The following GLIS3 variants were observed in gnomAD, a reference collection of about 807,000 sequenced individuals.
GLIS3 encodes the protein zinc finger protein GLIS3.
GLIS3 carries 53 observed loss-of-function variants against 78.6 expected under a neutral mutation model. The ratio of observed to expected loss-of-function variants is 0.67; its 90% CI spans 0.54 to 0.85. The LOEUF is 0.85. Ranked by LOEUF, GLIS3 falls within the 40% of genes least tolerant of loss-of-function variation. GLIS3 has a pLI of 0.00. For synonymous variants in GLIS3, 684 were observed against 509.9 expected (o/e 1.34, Z -4.60); for missense variants, 1,703 against 1,231.1 (o/e 1.38, Z -5.74).
At chr9:3,971,872 C>T (rs1211660537) in intron 4 of GLIS3, among the ~76,000 whole-genome samples, 1 of 152,142 alleles carries the variant, frequency 6.6e-6, no homozygotes, top group Non-Finnish European at 1.5e-5. Flanking sequence ...CCATCTCACT[C>T]CAGGTCAGCA....
intron 2 of GLIS3, among the ~76,000 whole-genome samples, chr9:4,275,511 G>A (rs1015393662): frequency 4.6e-5 from 7 of 151,900 alleles, no homozygotes; most frequent in Non-Finnish European, 8.8e-5. Context: ...TGTAATCCCA[G>A]CACTTTGGGA....
chr9:3,936,987 A>G (rs767342225), intron 5 of GLIS3, 41 bp downstream of exon 5: 7 of 1,611,484 alleles, frequency 4.3e-6, no homozygotes, highest in Non-Finnish European at 5.9e-6. Flanking sequence ...TCCTCACACC[A>G]GGCGCTGGGT....
At chr9:4,363,416 G>A in the GLIS3 span, among the ~76,000 whole-genome samples, 219 of 152,228 alleles carry the variant, frequency 1.4e-3, 1 homozygote, top group African/African-American at 4.9e-3. Context: ...CTCAGAAGAA[G>A]CAAAGAAGGT....
intron 4 of GLIS3, among the ~76,000 whole-genome samples, chr9:3,969,895 T>C (rs1014119359): frequency 6.6e-6 from 1 of 152,170 alleles, no homozygotes. Context: ...GGAAGCTAGG[T>C]GAGGGGCTTT....
At chr9:4,442,752 A>C in the GLIS3 span, among the ~76,000 whole-genome samples, 2 of 152,114 alleles carry the variant, frequency 1.3e-5, no homozygotes, top group Non-Finnish European at 2.9e-5. Context: ...AGATTTCTTT[A>C]CATGTTTACA....
At chr9:3,875,317 T>C (rs1179489134) in intron 8 of GLIS3, among the ~76,000 whole-genome samples, 3 of 152,180 alleles carry the variant, frequency 2.0e-5, no homozygotes, top group Non-Finnish European at 4.4e-5. Flanking sequence ...AATGGAACCT[T>C]GTTAGATTGA....
chr9:4,044,547 T>A (rs1391633114), intron 4 of GLIS3, among the ~76,000 whole-genome samples: 1 of 152,188 alleles, frequency 6.6e-6, no homozygotes, highest in East Asian at 1.9e-4. Context: ...AATGGGTCCA[T>A]CTTATCCTAT....
At chr9:4,391,467 T>G in the GLIS3 span, among the ~76,000 whole-genome samples, 3 of 152,128 alleles carry the variant, frequency 2.0e-5, no homozygotes, top group Non-Finnish European at 4.4e-5. Context: ...TCCCAATAAC[T>G]GAAAAATCAC....
intron 4 of GLIS3, among the ~76,000 whole-genome samples, chr9:4,083,317 C>G (rs1225958250): frequency 6.6e-6 from 1 of 152,134 alleles, no homozygotes; most frequent in Non-Finnish European, 1.5e-5. Context: ...GCAGACATCA[C>G]TAATCAATAC....
intron 4 of GLIS3, among the ~76,000 whole-genome samples, chr9:3,944,315 G>A (rs1034459283): frequency 1.3e-5 from 2 of 152,178 alleles, no homozygotes; most frequent in Non-Finnish European, 2.9e-5. Context: ...CAATCGAAAG[G>A]TTCTGGGGAC....
intron 4 of GLIS3, among the ~76,000 whole-genome samples, chr9:4,095,729 A>T (rs1829886070): frequency 6.6e-6 from 1 of 152,218 alleles, no homozygotes; most frequent in South Asian, 2.1e-4. Context: ...AAACTGAGCT[A>T]AACCCACACA....
chr9:4,284,602 G>C (rs887839733), intron 2 of GLIS3, among the ~76,000 whole-genome samples: 3 of 151,538 alleles, frequency 2.0e-5, no homozygotes, highest in Non-Finnish European at 2.9e-5. Context: ...CAAAAAAAAA[G>C]AAGAAGAAGA....
intron 2 of GLIS3, among the ~76,000 whole-genome samples, chr9:4,320,935 G>A (rs1392094571): frequency 6.6e-6 from 1 of 151,976 alleles, no homozygotes; most frequent in Admixed American, 6.5e-5. Context: ...TCTCCTGCTT[G>A]AGCATTTTTC....
chr9:4,179,666 T>C (rs543581611), intron 2 of GLIS3, among the ~76,000 whole-genome samples: 1 of 152,240 alleles, frequency 6.6e-6, no homozygotes. Context: ...TCCTAGCACT[T>C]TGGGAGGCTG....
At chr9:4,172,411 G>C (rs866923530) in intron 2 of GLIS3, among the ~76,000 whole-genome samples, 8 of 152,198 alleles carry the variant, frequency 5.3e-5, no homozygotes, top group Middle Eastern at 3.4e-3. Context: ...GTTTCTCCTT[G>C]TTTTGTACAG....
intron 3 of GLIS3, among the ~76,000 whole-genome samples, chr9:4,119,763 T>A (rs1332340968): frequency 6.6e-6 from 1 of 152,242 alleles, no homozygotes; most frequent in East Asian, 1.9e-4. Context: ...ACACCCTATG[T>A]CTCACAATAT....
chr9:3,944,190 T>C (rs1816131746), intron 4 of GLIS3, among the ~76,000 whole-genome samples: 1 of 151,952 alleles, frequency 6.6e-6, no homozygotes, highest in Admixed American at 6.6e-5. Context: ...AAAATGAAAA[T>C]GAAAAAAATT....
chr9:4,185,833 G>A (rs963202118), intron 2 of GLIS3, among the ~76,000 whole-genome samples: 3 of 152,060 alleles, frequency 2.0e-5, no homozygotes, highest in Admixed American at 6.6e-5. Context: ...GTTCCCCATT[G>A]GCCAGACCCA....
chr9:3,972,956 C>G (rs114268427), intron 4 of GLIS3, among the ~76,000 whole-genome samples: 2 of 152,098 alleles, frequency 1.3e-5, no homozygotes, highest in Non-Finnish European at 2.9e-5. Context: ...AGTTTGAGGG[C>G]AAATTCCTCC....
Sources: allele counts gnomAD v4.1 joint callset (sites outside exome capture counted in the v4.1 genomes callset), GRCh38; gene constraint gnomAD v4.1.1; transcripts MANE v1.5; gene names NCBI Gene and HGNC (gene_info 2026-07-23, HGNC 2026-07-21).